The following PTPRR variants were observed in gnomAD, a reference collection of about 807,000 sequenced individuals.
PTPRR encodes receptor-type tyrosine-protein phosphatase R.
In PTPRR, 38 loss-of-function variants were observed where a neutral mutation model predicts 77.2. That is an observed-to-expected ratio of 0.49 (90% CI 0.38 to 0.65). The LOEUF is 0.65. Ranked by LOEUF, PTPRR falls within the 30% of genes least tolerant of loss-of-function variation. The pLI is 0.00. For synonymous variants in PTPRR, 299 were observed against 283.1 expected (o/e 1.06, Z -0.57); for missense variants, 744 against 799.2 (o/e 0.93, Z 0.83).
chr12:70,747,511 C>A (rs910751845), intron 5 of PTPRR, among the ~76,000 whole-genome samples: 1 of 152,098 alleles, frequency 6.6e-6, no homozygotes, highest in Admixed American at 6.6e-5. Flanking sequence ...GAATCAACAA[C>A]GAAAATGGGA....
intron 13 of PTPRR, among the ~76,000 whole-genome samples, chr12:70,641,834 A>C (rs546453614): frequency 5.6e-4 from 86 of 152,296 alleles, no homozygotes; most frequent in African/African-American, 2.0e-3. Flanking sequence ...GTCCAACTGA[A>C]ATAACCCAAA....
chr12:70,860,527 G>T (rs1212384854), intron 2 of PTPRR, among the ~76,000 whole-genome samples: 1 of 152,092 alleles, frequency 6.6e-6, no homozygotes, highest in East Asian at 1.9e-4. Flanking sequence ...ATAAACTTTT[G>T]CTAGGTGCTC....
intron 1 of PTPRR, among the ~76,000 whole-genome samples, chr12:70,905,400 C>A (rs1031298808): frequency 6.6e-6 from 1 of 151,854 alleles, no homozygotes; most frequent in Admixed American, 6.6e-5. Context: ...AGTTCAGTGA[C>A]AGTTTTCCCT....
At chr12:70,907,216 G>A (rs536849610) in intron 1 of PTPRR, among the ~76,000 whole-genome samples, 4 of 152,278 alleles carry the variant, frequency 2.6e-5, no homozygotes, top group Admixed American at 1.3e-4. Flanking sequence ...GAAACCAATA[G>A]CAAAGTAATT....
At chr12:70,766,682 C>A (rs530125141) in intron 2 of PTPRR, among the ~76,000 whole-genome samples, 1 of 151,006 alleles carries the variant, frequency 6.6e-6, no homozygotes, top group Admixed American at 6.6e-5. Flanking sequence ...AGATACTCCT[C>A]GAGAAGAGCA....
intron 10 of PTPRR, among the ~76,000 whole-genome samples, chr12:70,669,694 A>G (rs190842268): frequency 6.6e-6 from 1 of 152,122 alleles, no homozygotes; most frequent in African/African-American, 2.4e-5. Context: ...CCTTTCAAGT[A>G]GCTGGGGCTA....
chr12:70,908,512 C>T (rs971708728), intron 1 of PTPRR, among the ~76,000 whole-genome samples: 1 of 152,118 alleles, frequency 6.6e-6, no homozygotes, highest in Non-Finnish European at 1.5e-5. Context: ...CTTATAAAAC[C>T]ATCAGATCTC....
At chr12:70,744,946 T>C (rs368500586) in intron 6 of PTPRR, among the ~76,000 whole-genome samples, 95 of 152,256 alleles carry the variant, frequency 6.2e-4, no homozygotes, top group African/African-American at 2.0e-3. Flanking sequence ...CTCTCATTTA[T>C]GTATTTTGCA....
chr12:70,754,541 C>T (rs1385155445), intron 4 of PTPRR: 4 of 1,592,616 alleles, frequency 2.5e-6, no homozygotes, highest in Non-Finnish European at 3.4e-6. Flanking sequence ...ATCTGCAGGT[C>T]CCAGGCTTTC....
At chr12:70,770,541 A>G (rs1455642205) in intron 2 of PTPRR, among the ~76,000 whole-genome samples, 1 of 152,182 alleles carries the variant, frequency 6.6e-6, no homozygotes, top group Non-Finnish European at 1.5e-5. Flanking sequence ...GAGAAATAGG[A>G]ACACTTTTAT....
intron 8 of PTPRR, among the ~76,000 whole-genome samples, chr12:70,696,888 A>G (rs1888250874): frequency 6.6e-6 from 1 of 152,086 alleles, no homozygotes; most frequent in South Asian, 2.1e-4. Flanking sequence ...GGCTTCTTTC[A>G]CTTAGCATGA....
In PTPRR at chr12:70,760,479, T is replaced by C. The variant is rs189401915; in HGVS notation, c.627+992A>G. ...CAGTGTGATTTACTGTAAAGGTGAA[T>C]AGACCAGGGATCAGGACATCTAGAT... is the stretch of plus-strand genomic sequence containing the variant. On this transcript the variant is annotated intron_variant, in intron 4 of 13. Coordinates refer to ENST00000283228, the MANE Select transcript of PTPRR (RefSeq NM_002849.4). Among the ~76,000 whole-genome samples the C allele has an allele frequency of 5.3e-5, 8 of 152,238 alleles. No homozygotes were observed. The East Asian group carries it at 9.7e-4, about 18-fold the overall frequency.
At chr12:70,683,219 T>C (rs925563) in intron 10 of PTPRR, among the ~76,000 whole-genome samples, 126,261 of 152,060 alleles carry the variant, frequency 0.83, 53,152 homozygotes, top group East Asian at 0.94. Flanking sequence ...ATGGTGAAGC[T>C]CTGGTACAAT....
chr12:70,885,361 G>A (rs892023747), intron 2 of PTPRR, among the ~76,000 whole-genome samples: 1 of 152,082 alleles, frequency 6.6e-6, no homozygotes, highest in Non-Finnish European at 1.5e-5. Flanking sequence ...AAGTGATGCT[G>A]TACAATGATA....
chr12:70,662,658 G>T, intron 10 of PTPRR, 53 bp from the exon 11 acceptor site: 2 of 1,036,830 alleles, frequency 1.9e-6, no homozygotes, highest in Non-Finnish European at 2.9e-6. Context: ...TATTAGCCAT[G>T]GAGTACTTTT....
At chr12:70,738,647 C>T (rs1332286429) in intron 6 of PTPRR, among the ~76,000 whole-genome samples, 1 of 152,154 alleles carries the variant, frequency 6.6e-6, no homozygotes, top group Admixed American at 6.5e-5. Context: ...AGAAAATGTA[C>T]TTTCTAGAGT....
intron 6 of PTPRR, among the ~76,000 whole-genome samples, chr12:70,734,935 G>C (rs1231425527): frequency 2.0e-5 from 3 of 152,176 alleles, no homozygotes; most frequent in Non-Finnish European, 4.4e-5. Flanking sequence ...CACTTAACAA[G>C]ATTACATTTT....
intron 2 of PTPRR, among the ~76,000 whole-genome samples, chr12:70,786,034 C>G (rs1026420890): frequency 2.0e-5 from 3 of 152,162 alleles, no homozygotes; most frequent in Non-Finnish European, 4.4e-5. Context: ...CAGAACCCAG[C>G]AGCCAAAGCT....
chr12:70,854,049 A>G (rs749412479), intron 2 of PTPRR, among the ~76,000 whole-genome samples: 6 of 152,226 alleles, frequency 3.9e-5, no homozygotes. Flanking sequence ...CTTAACACTT[A>G]CAAACATCCA....
Sources: allele counts gnomAD v4.1 joint callset (sites outside exome capture counted in the v4.1 genomes callset), GRCh38; gene constraint gnomAD v4.1.1; transcripts MANE v1.5; gene names NCBI Gene and HGNC (gene_info 2026-07-23, HGNC 2026-07-21).